Variants in ST3GAL1 observed in about 807,000 individuals in gnomAD.
The protein encoded by ST3GAL1 is ST3 beta-galactoside alpha-2,3-sialyltransferase 1.
ST3GAL1 carries 16 observed loss-of-function variants against 34.1 expected under a neutral mutation model. That is an observed-to-expected ratio of 0.47 (90% confidence interval 0.32 to 0.71). The LOEUF (loss-of-function observed/expected upper bound fraction) is 0.71. Ranked by LOEUF, ST3GAL1 falls within the 30% of genes least tolerant of loss-of-function variation. The pLI, the probability that ST3GAL1 is intolerant of heterozygous loss-of-function variation, is 0.04. For missense variants in ST3GAL1, 353 were observed against 447.4 expected (o/e 0.79, Z 1.90); for synonymous variants, 191 against 184.7 (o/e 1.03, Z -0.28).
In ST3GAL1 at chr8:133,540,836, G is replaced by GAGAGACATATATATATAGACATATATAT. The variant is rs1818460498; in HGVS notation, c.-429+4937_-429+4938insATATATATGTCTATATATATATGTCTCT. The stretch of plus-strand genomic sequence containing the variant: ...ACATATATATATAGACATATATATA[G>GAGAGACATATATATATAGACATATATAT]AGAGACATATATATAGAGACATATA... On this transcript the variant is annotated intron_variant, in intron 2 of 9. Transcript: ENST00000522652. 8.3e-5 allele frequency among the ~76,000 whole-genome samples: 4 copies of GAGAGACATATATATATAGACATATATAT among 48,380 alleles called. 2 individuals carry two copies. The highest frequency in any genetic ancestry group is 3.6e-4 in the African/African-American group (4 of 10,970). The allele number at this position is 48,380 out of a possible 152,430, so 31.7% of individuals were successfully genotyped here.
chr8:133,467,900 A>T lies in ST3GAL1; in HGVS notation c.307-1810T>A, dbSNP rs1815803141. Reference sequence around the variant, plus strand: ...CTGGCTTAAGACCGTTAGACACGTCATGGGAAGCAACATGATCTGGACCAC... The same window carrying T: ...CTGGCTTAAGACCGTTAGACACGTCTTGGGAAGCAACATGATCTGGACCAC... On this transcript the variant is annotated intron_variant, in intron 5 of 9. Coordinates refer to ENST00000522652, the MANE Select transcript of ST3GAL1 (RefSeq NM_173344.3). The surrounding 1 kb of genome is among the most constrained non-coding windows in gnomAD (Gnocchi z 4.2). 6.6e-6 allele frequency among the ~76,000 whole-genome samples: 1 copy of T among 152,196 alleles called. No individual in the cohort carries two copies. Among genetic ancestry groups the T allele is most frequent in the South Asian group, 2.1e-4 (1 of 4,828 alleles).
intron 2 of ST3GAL1, among the ~76,000 whole-genome samples, chr8:133,530,809 G>C (rs753658379): frequency 6.6e-6 from 1 of 152,154 alleles, no homozygotes; most frequent in Non-Finnish European, 1.5e-5. Context: ...GGCCAGCATC[G>C]TGGGTTCCTT....
At chr8:133,562,794 T>TTCCTTCCTTCC (rs1819269516) in intron 1 of ST3GAL1, among the ~76,000 whole-genome samples, 1 of 108,600 alleles carries the variant, frequency 9.2e-6, no homozygotes, top group Non-Finnish European at 1.8e-5. Context: ...TCTTTCTTTC[T>TTCCTTCCTTCC]TTCCTTCCTT....
intron 2 of ST3GAL1, among the ~76,000 whole-genome samples, chr8:133,521,683 T>C (rs578181868): frequency 6.6e-6 from 1 of 152,358 alleles, no homozygotes; most frequent in South Asian, 2.1e-4. Flanking sequence ...CCATGATATG[T>C]TAAAATATCT....
intron 1 of ST3GAL1, among the ~76,000 whole-genome samples, chr8:133,557,325 T>A (rs975573394): frequency 1.3e-5 from 2 of 152,128 alleles, no homozygotes; most frequent in Non-Finnish European, 2.9e-5. Context: ...GGGGTCCTCA[T>A]AGGATATGTG....
chr8:133,523,213 G>T (rs558933047), intron 2 of ST3GAL1, among the ~76,000 whole-genome samples: 17 of 152,200 alleles, frequency 1.1e-4, no homozygotes, highest in Non-Finnish European at 1.6e-4. Context: ...CTTCTGTGGG[G>T]GGTTGCTAAT....
intron 3 of ST3GAL1, among the ~76,000 whole-genome samples, chr8:133,478,978 G>A (rs764789742): frequency 1.4e-4 from 22 of 152,216 alleles, no homozygotes; most frequent in Non-Finnish European, 3.1e-4. Context: ...GAGAAAGAAA[G>A]CACAGACTCT....
At chr8:133,516,586 T>C (rs1817655540) in intron 2 of ST3GAL1, among the ~76,000 whole-genome samples, 1 of 152,194 alleles carries the variant, frequency 6.6e-6, no homozygotes, top group African/African-American at 2.4e-5. Context: ...GGAGGAGGAA[T>C]ATAAGGCCAA....
At chr8:133,479,406 G>A (rs1208894866) in intron 3 of ST3GAL1, among the ~76,000 whole-genome samples, 1 of 152,156 alleles carries the variant, frequency 6.6e-6, no homozygotes, top group Non-Finnish European at 1.5e-5. Context: ...CCACAGTCAA[G>A]ACTAAGTTTT....
chr8:133,486,175 A>G (rs1323270004), intron 3 of ST3GAL1, among the ~76,000 whole-genome samples: 1 of 152,220 alleles, frequency 6.6e-6, no homozygotes, highest in Non-Finnish European at 1.5e-5. Context: ...CGGCCAATGC[A>G]GAATCCCAAC....
At chr8:133,536,213 CAT>C (rs1258819608) in intron 2 of ST3GAL1, among the ~76,000 whole-genome samples, 1 of 152,108 alleles carries the variant, frequency 6.6e-6, no homozygotes, top group Non-Finnish European at 1.5e-5. Flanking sequence ...GGAGAGCACA[CAT>C]GAGGCTGGGG....
intron 5 of ST3GAL1, among the ~76,000 whole-genome samples, chr8:133,474,453 A>G (rs1287126832): frequency 1.3e-5 from 2 of 152,214 alleles, no homozygotes; most frequent in East Asian, 1.9e-4. Context: ...TCTATTTTGC[A>G]TTTAACATGG....
intron 2 of ST3GAL1, among the ~76,000 whole-genome samples, chr8:133,517,639 C>T (rs1054441854): frequency 4.6e-5 from 7 of 152,236 alleles, no homozygotes; most frequent in East Asian, 1.9e-4. Flanking sequence ...CATGAGCCAA[C>T]GCGCCCGGCC....
chr8:133,566,762 T>A (rs533553659), intron 1 of ST3GAL1, among the ~76,000 whole-genome samples: 1 of 152,212 alleles, frequency 6.6e-6, no homozygotes. Flanking sequence ...TTTATTTTTT[T>A]AAAAAGGCAA....
intron 3 of ST3GAL1, among the ~76,000 whole-genome samples, chr8:133,493,156 G>T (rs1816834675): frequency 6.6e-6 from 1 of 152,202 alleles, no homozygotes; most frequent in Non-Finnish European, 1.5e-5. Context: ...TGGACGCACT[G>T]TCCCCAGCTG....
At chr8:133,490,312 T>A (rs961473478) in intron 3 of ST3GAL1, among the ~76,000 whole-genome samples, 2 of 62,872 alleles carry the variant, frequency 3.2e-5, no homozygotes, top group Admixed American at 3.3e-4. Flanking sequence ...TCCACTGCCG[T>A]ACCTCACCCA....
Position 133,456,761 on chromosome 8 carries a change from C to T in ST3GAL1, c.*3003G>A, listed in dbSNP as rs1445478286. ...GGTGTGAGAAGGCCACCCAGGCAGC[C>T]TGCAGCTAGAGCTCGGCGCTGAGAG... is the stretch of plus-strand genomic sequence containing the variant. On this transcript the variant is annotated 3_prime_UTR_variant, in exon 10 of 10. Coordinates refer to ENST00000522652, the MANE Select transcript of ST3GAL1 (RefSeq NM_173344.3). The T allele has an allele frequency of 1.3e-5, 2 of 152,196 alleles. No individual in the cohort carries two copies. Among genetic ancestry groups the T allele is most frequent in the Admixed American group, 6.5e-5 (1 of 15,282 alleles). The allele number at this position is 152,196 out of a possible 1,614,324, so 9.4% of individuals were successfully genotyped here.
intron 3 of ST3GAL1, among the ~76,000 whole-genome samples, chr8:133,479,701 A>G (rs1044932473): frequency 6.6e-6 from 1 of 152,172 alleles, no homozygotes; most frequent in Non-Finnish European, 1.5e-5. Flanking sequence ...GGCAGGGCAG[A>G]GGGCAAGGTT....
intron 9 of ST3GAL1, among the ~76,000 whole-genome samples, chr8:133,460,990 A>T (rs371632820): frequency 6.6e-6 from 1 of 152,142 alleles, no homozygotes; most frequent in East Asian, 1.9e-4. Flanking sequence ...CAAGAACGTT[A>T]GGGCCAAATC....
Sources: allele counts gnomAD v4.1 joint callset (sites outside exome capture counted in the v4.1 genomes callset), GRCh38; gene constraint gnomAD v4.1.1; non-coding constraint Gnocchi (gnomAD v3.1); transcripts MANE v1.5; gene names NCBI Gene and HGNC (gene_info 2026-07-23, HGNC 2026-07-21).